NSD2: variants seen among roughly 807,000 people sequenced by gnomAD.
NSD2 encodes the protein nuclear receptor binding SET domain protein 2.
In NSD2, 12 loss-of-function variants were observed where a neutral mutation model predicts 139.0. The ratio of observed to expected loss-of-function variants is 0.09; its 90% CI spans 0.06 to 0.14. The LOEUF is 0.14. Among genes scored for constraint, NSD2 ranks in the 10% least tolerant of loss-of-function variants. NSD2 has a pLI of 1.00. For missense variants in NSD2, 1,155 were observed against 1,745.0 expected (o/e 0.66, Z 6.02); for synonymous variants, 669 against 648.7 (o/e 1.03, Z -0.48).
chr4:1,875,472 A>G (rs377563155), intron 1 of NSD2, among the ~76,000 whole-genome samples: 59 of 151,410 alleles, frequency 3.9e-4, no homozygotes, highest in African/African-American at 1.4e-3. Context: ...TACAGACAGG[A>G]TTTCACCATG....
At chr4:1,873,248 C>T (rs922714411) in intron 1 of NSD2, among the ~76,000 whole-genome samples, 1 of 152,154 alleles carries the variant, frequency 6.6e-6, no homozygotes, top group African/African-American at 2.4e-5. Flanking sequence ...CAAAAATTGT[C>T]CTCTCCTGAC....
rs951440228 is a variant in NSD2, at chr4:1,956,300, A to G, written c.2881+112A>G. 1.1e-5 allele frequency: 11 copies of G among 962,476 alleles called. No homozygotes were observed. Among genetic ancestry groups the G allele is most frequent in the African/African-American group, 5.0e-5 (3 of 60,330 alleles). 59.6% of individuals were successfully genotyped at this position (962,476 alleles called of 1,614,324 possible). A position where few individuals can be genotyped will look rare whatever the true frequency, so the allele number is the denominator to read the frequency against. On this transcript the variant is annotated intron_variant, in intron 15 of 21. Transcript: ENST00000508803. This position sits in a 1 kb window ranked among gnomAD's most constrained non-coding sequence, Gnocchi z 5.3. Reference sequence around the variant, plus strand: ...TAGAAAATACTGGACTAAGCATTCAATCTGTTTTTTTAAATTAGGAAAATG... The same window carrying G: ...TAGAAAATACTGGACTAAGCATTCAGTCTGTTTTTTTAAATTAGGAAAATG...
chr4:1,943,720 A>G (rs1358880903), intron 9 of NSD2: 5 of 1,055,310 alleles, frequency 4.7e-6, no homozygotes, highest in Non-Finnish European at 5.7e-6. Context: ...GTAAAATTAA[A>G]ATTCTCAAAA....
intron 8 of NSD2, among the ~76,000 whole-genome samples, chr4:1,938,955 A>T (rs1560708874): frequency 6.6e-6 from 1 of 152,246 alleles, no homozygotes; most frequent in Non-Finnish European, 1.5e-5. Context: ...CACATGCTAA[A>T]GAAACTAGCT....
At chr4:1,947,518 A>AC (rs1723757565) in intron 9 of NSD2, 1 of 1,055,744 alleles carries the variant, frequency 9.5e-7, no homozygotes, top group African/African-American at 1.7e-5. Context: ...TAGAAGGGTC[A>AC]CTTTAATAAA....
At chr4:1,940,307 C>G (rs1722955841) in intron 9 of NSD2, 4 of 1,072,844 alleles carry the variant, frequency 3.7e-6, no homozygotes, top group Non-Finnish European at 4.5e-6. Flanking sequence ...TTTTTAGTTA[C>G]TTGAGTGTTG....
At chr4:1,923,571 G>C (rs1355583871) in intron 5 of NSD2, among the ~76,000 whole-genome samples, 1 of 152,184 alleles carries the variant, frequency 6.6e-6, no homozygotes, top group Non-Finnish European at 1.5e-5. Context: ...AGAACAGCCA[G>C]GGATTGAGAA....
chr4:1,892,089 A>G (rs573082112), intron 1 of NSD2: 7 of 151,910 alleles, frequency 4.6e-5, no homozygotes, highest in African/African-American at 9.7e-5. Context: ...TTGTTGCTCT[A>G]TTTCCAAGTG....
At chr4:1,940,446 C>T (rs1722968694) in intron 9 of NSD2, 1 of 1,063,408 alleles carries the variant, frequency 9.4e-7, no homozygotes, top group Non-Finnish European at 1.1e-6. Context: ...ACTTTATTAT[C>T]AAACCTAAAT....
intron 9 of NSD2, chr4:1,941,354 G>A (rs1473247593): frequency 9.5e-7 from 1 of 1,051,570 alleles, no homozygotes; most frequent in African/African-American, 1.7e-5. Context: ...AGAGAACATG[G>A]AGCCTGCTGA....
At chr4:1,946,928 T>G in intron 9 of NSD2, 3 of 1,059,382 alleles carry the variant, frequency 2.8e-6, no homozygotes, top group Non-Finnish European at 3.4e-6. Flanking sequence ...CTACCTATAG[T>G]TGTTGGCCTT....
chr4:1,937,422 T>A (rs1722531478), intron 7 of NSD2, among the ~76,000 whole-genome samples: 2 of 152,198 alleles, frequency 1.3e-5, no homozygotes, highest in African/African-American at 2.4e-5. Context: ...GAAATATTTG[T>A]GTAAATGTTA....
At chr4:1,914,970 G>A (rs928931414) in intron 3 of NSD2, among the ~76,000 whole-genome samples, 3 of 152,064 alleles carry the variant, frequency 2.0e-5, no homozygotes, top group Admixed American at 6.6e-5. Context: ...TCTCCAGAAA[G>A]CCTATTATTT....
In NSD2 at chr4:1,980,726, G is replaced by A. The variant is rs1226741024; in HGVS notation, c.*1817G>A. 3 of 233,086 alleles carry A rather than the reference G, an allele frequency of 1.3e-5. No homozygotes were observed. The highest frequency in any genetic ancestry group is 2.2e-5 in the African/African-American group (1 of 45,336). The allele number at this position is 233,086 out of a possible 1,614,324, so 14.4% of individuals were successfully genotyped here. A position where few individuals can be genotyped will look rare whatever the true frequency, so the allele number is the denominator to read the frequency against. On this transcript the variant is annotated 3_prime_UTR_variant, in exon 22 of 22. Coordinates refer to ENST00000508803, the MANE Select transcript of NSD2 (RefSeq NM_001042424.3). Reference sequence around the variant, plus strand: ...CAAAGTTAACTACACAGAGGACCCAGGGGAAACGAGCTGTGTAGCCACTGA... The same window carrying A: ...CAAAGTTAACTACACAGAGGACCCAAGGGAAACGAGCTGTGTAGCCACTGA...
At chr4:1,912,118 A>C (rs1244905758) in intron 3 of NSD2, 4 of 408,068 alleles carry the variant, frequency 9.8e-6, no homozygotes. Flanking sequence ...AAGTTTGAAC[A>C]CTTAAAAACA....
intron 3 of NSD2, among the ~76,000 whole-genome samples, chr4:1,906,314 C>T (rs923473067): frequency 6.6e-6 from 1 of 152,152 alleles, no homozygotes; most frequent in Admixed American, 6.5e-5. Flanking sequence ...TCTTAGCTCA[C>T]TGCAACCTGT....
At chr4:1,884,384 A>C (rs564553642) in intron 1 of NSD2, among the ~76,000 whole-genome samples, 5 of 148,764 alleles carry the variant, frequency 3.4e-5, no homozygotes, top group African/African-American at 1.2e-4. Context: ...AGTGTGAGCC[A>C]CCGCAGGCCC....
At chr4:1,975,938 G>C (rs1174322318) in intron 20 of NSD2, among the ~76,000 whole-genome samples, 2 of 152,214 alleles carry the variant, frequency 1.3e-5, no homozygotes, top group Non-Finnish European at 1.5e-5. Context: ...GAAGGACAGA[G>C]ATTTGGGGGG....
chr4:1,914,813 C>G (rs539989121), intron 3 of NSD2, among the ~76,000 whole-genome samples: 3 of 152,258 alleles, frequency 2.0e-5, no homozygotes, highest in Non-Finnish European at 4.4e-5. Flanking sequence ...ATTTCTTGTT[C>G]CATTAACTTG....
Sources: allele counts gnomAD v4.1 joint callset (sites outside exome capture counted in the v4.1 genomes callset), GRCh38; gene constraint gnomAD v4.1.1; non-coding constraint Gnocchi (gnomAD v3.1); transcripts MANE v1.5; gene names NCBI Gene and HGNC (gene_info 2026-07-23, HGNC 2026-07-21).